The following FARP1 variants were observed in gnomAD, a reference collection of about 807,000 sequenced individuals.
The protein encoded by FARP1 is FERM, ARHGEF and pleckstrin domain-containing protein 1.
Under a neutral mutation model 128.8 loss-of-function variants are expected in FARP1, and 52 were observed. The observed-to-expected ratio is 0.40, with a 90% CI of 0.32 to 0.51. FARP1 has a LOEUF of 0.51. Ranked by LOEUF, FARP1 falls within the 20% of genes least tolerant of loss-of-function variation. FARP1 has a pLI of 0.45. For synonymous variants in FARP1, 580 were observed against 551.8 expected, an observed-to-expected ratio of 1.05 and a Z score of -0.72; for missense variants, 1,333 against 1,367.9, an observed-to-expected ratio of 0.97 and a Z score of 0.40.
At chr13:98,336,265 T>C (rs1417758209) in intron 2 of FARP1, among the ~76,000 whole-genome samples, 1 of 152,172 alleles carries the variant, frequency 6.6e-6, no homozygotes, top group Non-Finnish European at 1.5e-5. Flanking sequence ...GTTTGTTTGT[T>C]TTGAGACAGG....
intron 24 of FARP1, 38 bp from the exon 25 acceptor site, chr13:98,446,060 T>A (rs773111586): frequency 7.1e-7 from 1 of 1,405,764 alleles, no homozygotes; most frequent in South Asian, 1.2e-5. Flanking sequence ...CTGGGGCAGG[T>A]GCCCGCTGTG....
chr13:98,272,026 A>ATT (rs111401490), intron 2 of FARP1, among the ~76,000 whole-genome samples: 2 of 151,020 alleles, frequency 1.3e-5, no homozygotes, highest in East Asian at 1.9e-4. Context: ...CTCAAAATAC[A>ATT]TTTTTTTTTC....
intron 13 of FARP1, chr13:98,397,837 A>G (rs1890607542): frequency 6.6e-6 from 1 of 151,250 alleles, no homozygotes; most frequent in South Asian, 2.1e-4. Context: ...AAACATCACA[A>G]ACAAACTGCT....
At chr13:98,273,208 G>A (rs1474548294) in intron 2 of FARP1, among the ~76,000 whole-genome samples, 1 of 152,194 alleles carries the variant, frequency 6.6e-6, no homozygotes, top group Admixed American at 6.5e-5. Flanking sequence ...GGTTAAAAGA[G>A]TAAAGCTTTG....
intron 1 of FARP1, among the ~76,000 whole-genome samples, chr13:98,197,523 A>G (rs755572146): frequency 2.0e-5 from 3 of 152,212 alleles, no homozygotes; most frequent in Non-Finnish European, 4.4e-5. Context: ...ATGATAACAC[A>G]GGATGCAGGT....
intron 13 of FARP1, chr13:98,406,583 T>C (rs974029724): frequency 5.4e-5 from 4 of 73,754 alleles, no homozygotes; most frequent in African/African-American, 2.3e-4. Flanking sequence ...ACATATTAAG[T>C]AGTTGTTACT....
At chr13:98,217,027 C>T (rs188233283) in intron 2 of FARP1, among the ~76,000 whole-genome samples, 8 of 152,284 alleles carry the variant, frequency 5.3e-5, no homozygotes, top group Admixed American at 4.6e-4. Context: ...CCCCTATGCC[C>T]GCCCAGGCCA....
At chr13:98,217,999 G>A (rs759563813) in intron 2 of FARP1, among the ~76,000 whole-genome samples, 1 of 152,078 alleles carries the variant, frequency 6.6e-6, no homozygotes, top group Non-Finnish European at 1.5e-5. Context: ...ATTGGAGTCC[G>A]GCCCGCCAGA....
At chr13:98,238,788 C>T (rs1473639251) in intron 2 of FARP1, among the ~76,000 whole-genome samples, 4 of 152,218 alleles carry the variant, frequency 2.6e-5, no homozygotes, top group Middle Eastern at 3.4e-3. Context: ...ACAGCCAAAC[C>T]ATATCATTGA....
intron 2 of FARP1, among the ~76,000 whole-genome samples, chr13:98,240,045 G>A (rs1009432941): frequency 9.9e-5 from 15 of 152,134 alleles, no homozygotes; most frequent in African/African-American, 3.1e-4. Flanking sequence ...GGCAGGAGGG[G>A]AGGTGGCTTT....
At chr13:98,395,113 C>T in intron 12 of FARP1, 114 bp from the exon 13 acceptor site, 2 of 1,288,890 alleles carry the variant, frequency 1.6e-6, no homozygotes, top group Non-Finnish European at 1.0e-6. Context: ...GGGCAGTTCT[C>T]CCGCCGCAGA....
At chr13:98,216,077 T>C (rs933122556) in intron 2 of FARP1, among the ~76,000 whole-genome samples, 3 of 152,244 alleles carry the variant, frequency 2.0e-5, no homozygotes, top group Admixed American at 1.3e-4. Flanking sequence ...GTGGGAGCCA[T>C]CACACCTGGC....
intron 8 of FARP1, among the ~76,000 whole-genome samples, chr13:98,387,499 C>T (rs1277486248): frequency 6.6e-6 from 1 of 152,184 alleles, no homozygotes; most frequent in African/African-American, 2.4e-5. Flanking sequence ...GCCTGTGTCT[C>T]GGAACCCACC....
intron 2 of FARP1, among the ~76,000 whole-genome samples, chr13:98,231,947 C>T (rs1882137282): frequency 6.6e-6 from 1 of 152,074 alleles, no homozygotes; most frequent in African/African-American, 2.4e-5. Context: ...CCTGCCTCAG[C>T]CTCCCAAGTA....
At position 98,438,694 on chromosome 13, in the gene FARP1, G is replaced by T; in HGVS notation, c.2275-110G>T. On this transcript the variant is annotated intron_variant, in intron 19 of 26. Transcript: ENST00000319562. Reference sequence around the variant, plus strand: ...GTCCGTTCTTGGGGTCTGCACGCTCGCAGTCAGCCCTCAGGGGCTACAAAT... The same window carrying T: ...GTCCGTTCTTGGGGTCTGCACGCTCTCAGTCAGCCCTCAGGGGCTACAAAT... 3.6e-6 allele frequency: 3 copies of T among 823,562 alleles called. No homozygotes were observed. In the South Asian group the frequency reaches 4.5e-5, roughly 12 times the overall value. The allele number at this position is 823,562 out of a possible 1,614,324, so 51.0% of individuals were successfully genotyped here.
intron 3 of FARP1, among the ~76,000 whole-genome samples, chr13:98,352,124 A>T (rs1055043528): frequency 6.6e-6 from 1 of 152,168 alleles, no homozygotes; most frequent in Admixed American, 6.5e-5. Flanking sequence ...AAACCCACAG[A>T]CAACATCTGT....
rs564700779 is a variant in FARP1 at position 98,453,069 on chromosome 13, G to A, written c.*4752G>A. The A allele has an allele frequency of 7.6e-5, 104 of 1,369,134 alleles. No individual in the cohort carries two copies. Among genetic ancestry groups the A allele is most frequent in the Non-Finnish European group, 8.9e-5 (87 of 979,632 alleles). 84.8% of individuals were successfully genotyped at this position (1,369,134 alleles called of 1,614,324 possible). A position where few individuals can be genotyped will look rare whatever the true frequency, so the allele number is the denominator to read the frequency against. Reference sequence around the variant, plus strand: ...TGGCGCTGGGGTGGCTCCCAGTGGCGCACCTCTTCGGTGGAGTCAGCGAAG... The same window carrying A: ...TGGCGCTGGGGTGGCTCCCAGTGGCACACCTCTTCGGTGGAGTCAGCGAAG... On this transcript the variant is annotated 3_prime_UTR_variant, in exon 27 of 27. Transcript: ENST00000319562.
intron 1 of FARP1, among the ~76,000 whole-genome samples, chr13:98,195,886 C>G (rs921607292): frequency 6.6e-6 from 1 of 151,884 alleles, no homozygotes; most frequent in African/African-American, 2.4e-5. Context: ...ATTCGCTGGG[C>G]GTGGTGGTAC....
chr13:98,394,780 T>C (rs931780815), intron 12 of FARP1, among the ~76,000 whole-genome samples: 1 of 151,930 alleles, frequency 6.6e-6, no homozygotes, highest in Non-Finnish European at 1.5e-5. Context: ...ACAAAAAAAA[T>C]TTTTTTAATT....
Sources: allele counts gnomAD v4.1 joint callset (sites outside exome capture counted in the v4.1 genomes callset), GRCh38; gene constraint gnomAD v4.1.1; transcripts MANE v1.5; gene names NCBI Gene and HGNC (gene_info 2026-07-23, HGNC 2026-07-21).